MAGI1: variants seen among roughly 807,000 people sequenced by gnomAD.
MAGI1 encodes membrane-associated guanylate kinase, WW and PDZ domain-containing protein 1.
In MAGI1, 58 loss-of-function variants were observed where a neutral mutation model predicts 139.9. The observed-to-expected ratio is 0.41, with a 90% CI of 0.34 to 0.52. The LOEUF is 0.52. Among genes scored for constraint, MAGI1 ranks in the 20% least tolerant of loss-of-function variants. The probability of loss-of-function intolerance (pLI) is 0.12; values close to 1 mark genes in which losing one functional copy is unlikely to be tolerated. For synonymous variants in MAGI1, 812 were observed against 737.9 expected (o/e 1.10, Z -1.63); for missense variants, 1,874 against 1,901.6 (o/e 0.99, Z 0.27).
intron 1 of MAGI1, among the ~76,000 whole-genome samples, chr3:65,856,154 G>A (rs538659004): frequency 3.9e-5 from 6 of 152,152 alleles, no homozygotes; most frequent in South Asian, 2.1e-4. Context: ...CTTATATTTC[G>A]ATTTAAATAG....
chr3:65,612,477 ATG>A (rs1054237953), intron 2 of MAGI1, among the ~76,000 whole-genome samples: 6 of 152,118 alleles, frequency 3.9e-5, no homozygotes, highest in Non-Finnish European at 1.5e-5. Context: ...AAAAATAATG[ATG>A]TGTTATTGGT....
At position 65,624,257 on chromosome 3, in the gene MAGI1, A is replaced by G. The variant is rs150229317; in HGVS notation, c.314-2169T>C. Among the ~76,000 whole-genome samples, 18 of 152,208 alleles carry G rather than the reference A, an allele frequency of 1.2e-4. No individual in the cohort carries two copies. In the East Asian group the frequency reaches 3.3e-3, roughly 28 times the overall value. On this transcript the variant is annotated intron_variant, in intron 1 of 22. Coordinates refer to ENST00000402939, the MANE Select transcript of MAGI1 (RefSeq NM_001033057.2). ...CCTTCAATAGCCAAGTGACCCAACA[A>G]TTCCACCCTTATTTACATGACAGAA... is the stretch of plus-strand genomic sequence containing the variant.
chr3:65,635,006 G>A (rs947399058), intron 1 of MAGI1, among the ~76,000 whole-genome samples: 4 of 152,140 alleles, frequency 2.6e-5, no homozygotes, highest in Non-Finnish European at 4.4e-5. Context: ...GTGAATCCTG[G>A]TGATGGGAGT....
At chr3:65,419,257 T>C (rs994680549) in intron 12 of MAGI1, among the ~76,000 whole-genome samples, 17 of 55,784 alleles carry the variant, frequency 3.0e-4, no homozygotes, top group East Asian at 2.2e-3. Flanking sequence ...AGTGTATGAA[T>C]GTGTTACAAA....
chr3:66,023,015 T>C (rs956005540), intron 1 of MAGI1, among the ~76,000 whole-genome samples: 4 of 152,300 alleles, frequency 2.6e-5, no homozygotes, highest in African/African-American at 7.2e-5. Context: ...GAGCATTTTA[T>C]AGTAGCAGAA....
chr3:65,837,495 C>G (rs2108321917), intron 1 of MAGI1, among the ~76,000 whole-genome samples: 1 of 152,330 alleles, frequency 6.6e-6, no homozygotes, highest in South Asian at 2.1e-4. Context: ...CTGTCCAGCT[C>G]ACACAAGGGA....
intron 1 of MAGI1, among the ~76,000 whole-genome samples, chr3:65,979,429 C>A (rs2065452463): frequency 6.6e-6 from 1 of 152,120 alleles, no homozygotes; most frequent in Non-Finnish European, 1.5e-5. Context: ...TCTTACTCTT[C>A]AGGGAAGTGC....
chr3:65,535,978 C>A (rs1354675455), intron 2 of MAGI1, among the ~76,000 whole-genome samples: 1 of 152,170 alleles, frequency 6.6e-6, no homozygotes, highest in Non-Finnish European at 1.5e-5. Flanking sequence ...GGTGCTCACA[C>A]CATGAGGGGC....
rs546186424 is a variant in MAGI1 at position 66,003,032 on chromosome 3, T to C, written c.313+34964A>G. 1.2e-3 allele frequency among the ~76,000 whole-genome samples: 176 copies of C among 152,110 alleles called. 1 individual carries two copies. The highest frequency in any genetic ancestry group is 2.1e-3 in the Non-Finnish European group (142 of 68,030). On this transcript the variant is annotated intron_variant, in intron 1 of 22. Coordinates refer to ENST00000402939, the MANE Select transcript of MAGI1 (RefSeq NM_001033057.2). ...ACACAGTCCCAGGGAGTATTAGATCTATAGTCATGTATTTAGGCAAAACTT... is the reference window on the plus strand; with the variant it reads ...ACACAGTCCCAGGGAGTATTAGATCCATAGTCATGTATTTAGGCAAAACTT...
intron 1 of MAGI1, among the ~76,000 whole-genome samples, chr3:65,866,283 G>T (rs1039225038): frequency 6.7e-6 from 1 of 148,708 alleles, no homozygotes; most frequent in Non-Finnish European, 1.5e-5. Context: ...GTGTGATCAT[G>T]GCTCACTGCA....
At chr3:65,719,116 C>T (rs964934439) in intron 1 of MAGI1, among the ~76,000 whole-genome samples, 3 of 148,260 alleles carry the variant, frequency 2.0e-5, no homozygotes, top group Admixed American at 6.7e-5. Flanking sequence ...TAAACCAAAA[C>T]ATTGTGTATT....
At chr3:65,654,810 C>T (rs1389022113) in intron 1 of MAGI1, among the ~76,000 whole-genome samples, 9 of 152,126 alleles carry the variant, frequency 5.9e-5, no homozygotes, top group African/African-American at 1.9e-4. Flanking sequence ...GTCAACTGCC[C>T]ACTGCATTTC....
chr3:65,767,466 A>AAAATAAAT (rs567194596), intron 1 of MAGI1, among the ~76,000 whole-genome samples: 166 of 152,228 alleles, frequency 1.1e-3, no homozygotes, highest in Admixed American at 2.0e-3. Context: ...AGAAAAAAGA[A>AAAATAAAT]AAATAAATAA....
rs768493322 is a variant in MAGI1 at position 65,561,420 on chromosome 3, G to A, written c.430+60552C>T. On this transcript the variant is annotated intron_variant, in intron 2 of 22. Coordinates refer to ENST00000402939, the MANE Select transcript of MAGI1 (RefSeq NM_001033057.2). The stretch of plus-strand genomic sequence containing the variant: ...TGCAAAGGCTTGAGCCTTAAGGAAC[G>A]AAACCCACCACTCAGAAAAATCTAA... 2.6e-5 allele frequency among the ~76,000 whole-genome samples: 4 copies of A among 152,148 alleles called. No individual in the cohort carries two copies. The South Asian group carries it at 6.2e-4, about 24-fold the overall frequency.
At chr3:65,504,052 A>G (rs1188468328) in intron 2 of MAGI1, among the ~76,000 whole-genome samples, 2 of 152,220 alleles carry the variant, frequency 1.3e-5, no homozygotes, top group South Asian at 2.1e-4. Flanking sequence ...ATGTTTGTCT[A>G]GGGCAAGCAA....
intron 1 of MAGI1, among the ~76,000 whole-genome samples, chr3:66,019,291 C>A (rs372585624): frequency 5.9e-5 from 9 of 152,322 alleles, no homozygotes; most frequent in African/African-American, 2.2e-4. Flanking sequence ...CCAGATAAAT[C>A]TTTGTTGGCA....
At chr3:65,922,788 G>A (rs1241304195) in intron 1 of MAGI1, among the ~76,000 whole-genome samples, 1 of 152,170 alleles carries the variant, frequency 6.6e-6, no homozygotes, top group Non-Finnish European at 1.5e-5. Flanking sequence ...AGGAGAGACA[G>A]TAATAAGAAC....
chr3:65,954,730 A>G (rs554632482), intron 1 of MAGI1, among the ~76,000 whole-genome samples: 3 of 152,136 alleles, frequency 2.0e-5, no homozygotes, highest in South Asian at 4.2e-4. Context: ...GAGGAATCTT[A>G]AGTCAAGTTT....
chr3:66,008,489 C>A (rs2067149141), intron 1 of MAGI1, among the ~76,000 whole-genome samples: 1 of 152,206 alleles, frequency 6.6e-6, no homozygotes, highest in South Asian at 2.1e-4. Flanking sequence ...GACCCTCACG[C>A]AGCTCAGAGC....
Sources: gnomAD v4.1 joint callset for allele counts (sites outside exome capture counted in the v4.1 genomes callset) on GRCh38, gnomAD v4.1.1 for gene constraint, MANE v1.5 for transcripts, NCBI Gene and HGNC (gene_info 2026-07-23, HGNC 2026-07-21) for gene names.